The following SYN3 variants were observed in gnomAD, a reference collection of about 807,000 sequenced individuals.
The protein encoded by SYN3 is synapsin-3.
Under a neutral mutation model 65.8 loss-of-function variants are expected in SYN3, and 35 were observed. The ratio of observed to expected loss-of-function variants is 0.53; its 90% CI spans 0.41 to 0.70. SYN3 has a LOEUF of 0.70. Among genes scored for constraint, SYN3 ranks in the 30% least tolerant of loss-of-function variants. The pLI, the probability that SYN3 is intolerant of heterozygous loss-of-function variation, is 0.00. For synonymous variants in SYN3, 270 were observed against 292.9 expected (o/e 0.92, Z 0.80); for missense variants, 680 against 749.0 (o/e 0.91, Z 1.08).
chr22:32,663,321 T>C (rs2060242638), intron 6 of SYN3, among the ~76,000 whole-genome samples: 1 of 151,434 alleles, frequency 6.6e-6, no homozygotes, highest in South Asian at 2.1e-4. Context: ...TTTTTTTTTT[T>C]TGAGTCTCAC....
chr22:32,806,633 G>A (rs1205086495), intron 6 of SYN3, among the ~76,000 whole-genome samples: 3 of 152,112 alleles, frequency 2.0e-5, no homozygotes, highest in Non-Finnish European at 2.9e-5. Context: ...TTGAGCTTTA[G>A]TTTTCTTATT....
chr22:32,964,028 G>A (rs1212569056), intron 3 of SYN3, among the ~76,000 whole-genome samples: 2 of 151,972 alleles, frequency 1.3e-5, no homozygotes, highest in African/African-American at 4.8e-5. Context: ...CAGAAGGCAG[G>A]CCCTGAGGTG....
At chr22:32,748,166 C>T (rs1041756637) in intron 6 of SYN3, among the ~76,000 whole-genome samples, 3 of 152,172 alleles carry the variant, frequency 2.0e-5, no homozygotes, top group Non-Finnish European at 2.9e-5. Context: ...GTAACAAGGG[C>T]CTAATATGAG....
chr22:33,035,347 C>A (rs1180388890), intron 1 of SYN3, among the ~76,000 whole-genome samples: 1 of 122,602 alleles, frequency 8.2e-6, no homozygotes, highest in African/African-American at 3.7e-5. Context: ...CCCCCCCCGC[C>A]ACCAAACTTC....
chr22:32,632,353 C>T (rs897867475), intron 6 of SYN3, among the ~76,000 whole-genome samples: 4 of 152,184 alleles, frequency 2.6e-5, no homozygotes, highest in African/African-American at 9.7e-5. Context: ...CGTTTAGAAT[C>T]CCAGCTCTGA....
chr22:32,952,092 G>A lies in SYN3; in HGVS notation c.370-20611C>T, dbSNP rs79349502. Among the ~76,000 whole-genome samples the A allele has an allele frequency of 5.1e-3, 774 of 152,236 alleles. 7 individuals carry two copies. Among genetic ancestry groups the A allele is most frequent in the African/African-American group, 0.018 (745 of 41,530 alleles). On this transcript the variant is annotated intron_variant, in intron 3 of 13. Transcript: ENST00000358763. The stretch of plus-strand genomic sequence containing the variant: ...GGCTGAGCTCTTTCCCACCAGTTCA[G>A]ACTCACCTTGCAGACGAAAAAGGCT...
At chr22:32,957,497 C>T (rs571344345) in intron 3 of SYN3, among the ~76,000 whole-genome samples, 13 of 152,218 alleles carry the variant, frequency 8.5e-5, no homozygotes, top group African/African-American at 2.6e-4. Flanking sequence ...CATGTGCTGG[C>T]GCCTATTTAA....
At chr22:32,624,531 C>T (rs2059638938) in intron 6 of SYN3, among the ~76,000 whole-genome samples, 2 of 152,240 alleles carry the variant, frequency 1.3e-5, no homozygotes, top group African/African-American at 4.8e-5. Flanking sequence ...CTCTCCATAA[C>T]TCCTACCATC....
chr22:32,695,494 G>C (rs1376623842), intron 6 of SYN3, among the ~76,000 whole-genome samples: 2 of 152,202 alleles, frequency 1.3e-5, no homozygotes, highest in African/African-American at 4.8e-5. Flanking sequence ...GAATTTATCA[G>C]ATATGCTCTT....
intron 6 of SYN3, among the ~76,000 whole-genome samples, chr22:32,746,387 A>G (rs2044933847): frequency 6.6e-6 from 1 of 152,068 alleles, no homozygotes; most frequent in African/African-American, 2.4e-5. Context: ...CTGGGTAACC[A>G]TGAGAAAGTC....
chr22:32,962,800 G>GCATC (rs1249004928), intron 3 of SYN3, among the ~76,000 whole-genome samples: 2 of 127,004 alleles, frequency 1.6e-5, no homozygotes, highest in Non-Finnish European at 3.3e-5. Context: ...CAGAGTATCG[G>GCATC]CATCTATCTA....
At chr22:32,783,308 G>C (rs2046117910) in intron 6 of SYN3, 1 of 152,208 alleles carries the variant, frequency 6.6e-6, no homozygotes, top group Non-Finnish European at 1.5e-5. Flanking sequence ...CACTGGGACG[G>C]GTTGGAGTAC....
At chr22:32,668,214 T>C (rs2740988) in intron 6 of SYN3, among the ~76,000 whole-genome samples, 50,613 of 152,118 alleles carry the variant, frequency 0.33, 11,344 homozygotes, top group East Asian at 0.7. Flanking sequence ...AAAGTATACA[T>C]GAAGAGTGTA....
intron 9 of SYN3, among the ~76,000 whole-genome samples, chr22:32,535,068 A>C (rs1023212057): frequency 8.5e-5 from 13 of 152,182 alleles, no homozygotes; most frequent in Admixed American, 2.6e-4. Context: ...ATCCCAGCAC[A>C]ACTCTATGAG....
rs543849775 is a variant in SYN3, at chr22:32,617,841, G to C, written c.712-21105C>G. On this transcript the variant is annotated intron_variant, in intron 6 of 13. Transcript: ENST00000358763. ...AGGGAGAGGACCCTGCCCGAGGCTT[G>C]AGGAGAGCTTGTCAGCTGCGAGTCT... Among the ~76,000 whole-genome samples, 14 of 152,082 alleles carry C rather than the reference G, an allele frequency of 9.2e-5. No homozygotes were observed. In the South Asian group the frequency reaches 2.1e-3, roughly 23 times the overall value.
intron 12 of SYN3, among the ~76,000 whole-genome samples, chr22:32,523,306 A>C (rs1194271650): frequency 6.6e-5 from 10 of 152,300 alleles, no homozygotes. Context: ...AGGTCAGCAG[A>C]TCGAGACCAT....
At chr22:33,053,431 A>T (rs553209805) in intron 1 of SYN3, among the ~76,000 whole-genome samples, 3 of 152,310 alleles carry the variant, frequency 2.0e-5, no homozygotes, top group Admixed American at 2.0e-4. Flanking sequence ...TTTCAAAAAA[A>T]AGGATAAGTC....
chr22:32,751,565 AGAACT>A (rs1569195590), intron 6 of SYN3, among the ~76,000 whole-genome samples: 1 of 152,214 alleles, frequency 6.6e-6, no homozygotes, highest in Admixed American at 6.5e-5. Context: ...GGTGCCCGGC[AGAACT>A]GGCCTATAGG....
chr22:33,015,232 A>C (rs1473312900), intron 1 of SYN3: 4 of 433,612 alleles, frequency 9.2e-6, no homozygotes, highest in Non-Finnish European at 7.1e-6. Context: ...AAAAAAAAAA[A>C]AAAAAAAAAA....
Sources: allele counts gnomAD v4.1 joint callset (sites outside exome capture counted in the v4.1 genomes callset), GRCh38; gene constraint gnomAD v4.1.1; transcripts MANE v1.5; gene names NCBI Gene and HGNC (gene_info 2026-07-23, HGNC 2026-07-21).